Variants in KIAA1958 observed in about 807,000 individuals in gnomAD.
KIAA1958 encodes uncharacterized protein KIAA1958.
KIAA1958 carries 14 observed loss-of-function variants against 47.2 expected under a neutral mutation model. That is an observed-to-expected ratio of 0.30 (90% confidence interval 0.20 to 0.46). The LOEUF (loss-of-function observed/expected upper bound fraction) is 0.46. Ranked by LOEUF, KIAA1958 falls within the 20% of genes least tolerant of loss-of-function variation. KIAA1958 has a pLI of 1.00. For missense variants in KIAA1958, 803 were observed against 909.2 expected (o/e 0.88, Z 1.50); for synonymous variants, 354 against 353.3 (o/e 1.00, Z -0.02).
intron 2 of KIAA1958, among the ~76,000 whole-genome samples, chr9:112,599,477 C>T (rs919022047): frequency 6.6e-6 from 1 of 151,954 alleles, no homozygotes; most frequent in Non-Finnish European, 1.5e-5. Context: ...ATTTAATGTT[C>T]AATAAAAACT....
At chr9:112,546,654 G>A (rs942224568) in intron 1 of KIAA1958, among the ~76,000 whole-genome samples, 1 of 152,070 alleles carries the variant, frequency 6.6e-6, no homozygotes, top group African/African-American at 2.4e-5. Flanking sequence ...GGTTTGCCCT[G>A]TAGAAAGGAA....
intron 1 of KIAA1958, among the ~76,000 whole-genome samples, chr9:112,489,474 G>GTT (rs5900004): frequency 0.12 from 17,342 of 141,368 alleles, 1,420 homozygotes; most frequent in East Asian, 0.2. Flanking sequence ...ATGTTTTTGT[G>GTT]TTTTTTTTTT....
chr9:112,667,811 G>A lies in KIAA1958; in HGVS notation c.*7742G>A, dbSNP rs1837370697. 4 of 152,150 alleles carry A rather than the reference G, an allele frequency of 2.6e-5. No individual in the cohort carries two copies. Among genetic ancestry groups the A allele is most frequent in the Admixed American group, 2.6e-4 (4 of 15,268 alleles). The allele number at this position is 152,150 out of a possible 1,614,324, so 9.4% of individuals were successfully genotyped here. A position where few individuals can be genotyped will look rare whatever the true frequency, so the allele number is the denominator to read the frequency against. ...AATAGTCTTACAAAGATAATAAGTT[G>A]TACAGCAACCTACGAGGCTTGATTT... On this transcript the variant is annotated 3_prime_UTR_variant, in exon 4 of 4. Coordinates refer to ENST00000337530, the MANE Select transcript of KIAA1958 (RefSeq NM_133465.4).
intron 3 of KIAA1958, among the ~76,000 whole-genome samples, chr9:112,657,717 A>G (rs926621636): frequency 1.3e-5 from 2 of 152,186 alleles, no homozygotes; most frequent in African/African-American, 2.4e-5. Flanking sequence ...TGAATAGACC[A>G]TGAGCAAGGG....
In KIAA1958 at chr9:112,574,155, T is replaced by A; in HGVS notation, c.75T>A (p.Ile25=). The change falls in exon 2 of 4, where the codon ATT becomes ATA. Residue 25 remains isoleucine (I), a synonymous_variant. Transcript: ENST00000337530. ...LVSWAHSHGT[I]CSLIPNLKHL... ...GCTGGGCCCATAGCCATGGGACTAT[T>A]TGCAGCCTCATTCCAAACCTGAAAC... 1 of 1,614,086 alleles carries A rather than the reference T, an allele frequency of 6.2e-7. No homozygotes were observed. The highest frequency in any genetic ancestry group is 8.5e-7 in the Non-Finnish European group (1 of 1,179,970).
intron 1 of KIAA1958, among the ~76,000 whole-genome samples, chr9:112,508,517 T>A (rs1171669216): frequency 6.6e-6 from 1 of 152,246 alleles, no homozygotes; most frequent in Non-Finnish European, 1.5e-5. Flanking sequence ...CTAAGAAAGA[T>A]AATTTGCATG....
chr9:112,562,387 A>G (rs1295805650), intron 1 of KIAA1958, among the ~76,000 whole-genome samples: 1 of 152,210 alleles, frequency 6.6e-6, no homozygotes, highest in Non-Finnish European at 1.5e-5. Context: ...ACTAGGATTT[A>G]AACCCAGGCC....
chr9:112,612,781 T>A (rs1836348169), intron 2 of KIAA1958, among the ~76,000 whole-genome samples: 1 of 152,218 alleles, frequency 6.6e-6, no homozygotes, highest in Non-Finnish European at 1.5e-5. Flanking sequence ...TAGATATACT[T>A]GCCCATGCAT....
intron 1 of KIAA1958, among the ~76,000 whole-genome samples, chr9:112,556,330 T>C (rs1835242125): frequency 1.3e-5 from 2 of 152,200 alleles, no homozygotes; most frequent in Non-Finnish European, 2.9e-5. Context: ...CACAGGTAGC[T>C]ACTGGCTGAG....
chr9:112,614,366 T>C (rs973212021), intron 2 of KIAA1958, among the ~76,000 whole-genome samples: 3 of 152,184 alleles, frequency 2.0e-5, no homozygotes, highest in African/African-American at 7.2e-5. Flanking sequence ...TTGTGAAAAT[T>C]AATCACATGC....
At chr9:112,508,461 T>C (rs1834269781) in intron 1 of KIAA1958, among the ~76,000 whole-genome samples, 1 of 152,254 alleles carries the variant, frequency 6.6e-6, no homozygotes, top group East Asian at 1.9e-4. Context: ...CAAATAAGCA[T>C]ATATTAAAGC....
intron 1 of KIAA1958, among the ~76,000 whole-genome samples, chr9:112,533,979 A>G (rs1411068699): frequency 6.6e-6 from 1 of 152,210 alleles, no homozygotes. Flanking sequence ...AAATATGTGC[A>G]AGAGAGACAG....
In KIAA1958 at chr9:112,543,883, G is replaced by A. The variant is rs187047154; in HGVS notation, c.-24-30174G>A. Among the ~76,000 whole-genome samples, 438 of 152,218 alleles carry A rather than the reference G, an allele frequency of 2.9e-3. 3 individuals are homozygous for A. The highest frequency in any genetic ancestry group is 0.01 in the African/African-American group (418 of 41,536). On this transcript the variant is annotated intron_variant, in intron 1 of 3. Coordinates refer to ENST00000337530, the MANE Select transcript of KIAA1958 (RefSeq NM_133465.4). ...TACCCATGTCCAATTTATATTTGCTGTGCTATTGCATCTAGCACAATTTAT... is the reference window on the plus strand; with the variant it reads ...TACCCATGTCCAATTTATATTTGCTATGCTATTGCATCTAGCACAATTTAT...
At chr9:112,495,340 A>T (rs1260556339) in intron 1 of KIAA1958, among the ~76,000 whole-genome samples, 1 of 152,106 alleles carries the variant, frequency 6.6e-6, no homozygotes, top group Non-Finnish European at 1.5e-5. Context: ...CTTTTGGAGA[A>T]GGTTTCTGTG....
chr9:112,567,959 C>CAAAAAA (rs35931681), intron 1 of KIAA1958, among the ~76,000 whole-genome samples: 39 of 66,134 alleles, frequency 5.9e-4, no homozygotes, highest in Non-Finnish European at 6.5e-4. Flanking sequence ...GAATCCATCT[C>CAAAAAA]AAAAAAAAAA....
At chr9:112,554,037 G>GT (rs1379501969) in intron 1 of KIAA1958, among the ~76,000 whole-genome samples, 2 of 152,152 alleles carry the variant, frequency 1.3e-5, no homozygotes, top group Non-Finnish European at 2.9e-5. Flanking sequence ...ATCATGTACT[G>GT]TAAGTAGGAT....
chr9:112,660,062 G>A lies in KIAA1958; in HGVS notation c.2144G>A (p.Cys715Tyr), dbSNP rs1369451087. ...VSRRLGSHSC[C>Y]Q The stretch of plus-strand genomic sequence containing the variant: ...CGGAGGCTTGGCTCCCACAGCTGCT[G>A]CCAGTGAGCCCCCACTGGGGCCCGG... Residue 715 changes from cysteine (C) to tyrosine (Y), a missense_variant, in exon 4 of 4, where the codon TGC (cysteine) becomes TAC (tyrosine). By Grantham distance (194) the Cys-to-Tyr change is radical. Transcript: ENST00000337530. 2 of 1,612,372 alleles carry A rather than the reference G, an allele frequency of 1.2e-6. No homozygotes were observed. The highest frequency in any genetic ancestry group is 2.7e-5 in the African/African-American group (2 of 75,018).
rs1390622264 is a variant in KIAA1958, at chr9:112,553,137, C to T, written c.-24-20920C>T. Among the ~76,000 whole-genome samples, 38 of 145,242 alleles carry T rather than the reference C, an allele frequency of 2.6e-4. 1 individual carries two copies. The highest frequency in any genetic ancestry group is 2.1e-4 in the East Asian group (1 of 4,842). On this transcript the variant is annotated intron_variant, in intron 1 of 3. Coordinates refer to ENST00000337530, the MANE Select transcript of KIAA1958 (RefSeq NM_133465.4). ...TTGTCCTCTCCTCTCCTCCCCTCCC[C>T]TCCCCTCTGCTCCCCTCCCCTGCCC...
At chr9:112,509,634 GAAGC>G (rs1240190690) in intron 1 of KIAA1958, among the ~76,000 whole-genome samples, 2 of 152,198 alleles carry the variant, frequency 1.3e-5, no homozygotes, top group Non-Finnish European at 2.9e-5. Flanking sequence ...TGTTGAAAAG[GAAGC>G]CATACATTTA....
Sources: allele counts gnomAD v4.1 joint callset (sites outside exome capture counted in the v4.1 genomes callset), GRCh38; gene constraint gnomAD v4.1.1; transcripts MANE v1.5; gene names NCBI Gene and HGNC (gene_info 2026-07-23, HGNC 2026-07-21).